Variants in THSD7B observed in about 807,000 individuals in gnomAD.
THSD7B encodes the protein thrombospondin type 1 domain containing 7B, also known as thrombospondin type-1 domain-containing protein 7B.
Under a neutral mutation model 213.6 loss-of-function variants are expected in THSD7B, and 138 were observed. That is an observed-to-expected ratio of 0.65 (90% CI 0.56 to 0.74). The LOEUF (loss-of-function observed/expected upper bound fraction) is 0.74, where lower values mean the gene tolerates loss of function less well. Among genes scored for constraint, THSD7B ranks in the 30% least tolerant of loss-of-function variants. THSD7B has a pLI of 0.00. For synonymous variants in THSD7B, 742 were observed against 687.0 expected, an observed-to-expected ratio of 1.08 and a Z score of -1.25; for missense variants, 1,931 against 1,991.5, an observed-to-expected ratio of 0.97 and a Z score of 0.58.
intron 10 of THSD7B, among the ~76,000 whole-genome samples, chr2:137,244,680 C>T (rs924486336): frequency 2.0e-5 from 3 of 152,022 alleles, no homozygotes; most frequent in African/African-American, 7.3e-5. Flanking sequence ...TCTTTGCCAC[C>T]AATTCTTCAA....
chr2:137,285,267 A>G (rs913361399), intron 12 of THSD7B, among the ~76,000 whole-genome samples: 4 of 151,956 alleles, frequency 2.6e-5, no homozygotes, highest in Non-Finnish European at 4.4e-5. Context: ...ATCTTCCTCC[A>G]TCCCTGTATT....
At chr2:137,153,540 A>T (rs923170931) in intron 5 of THSD7B, among the ~76,000 whole-genome samples, 8 of 152,174 alleles carry the variant, frequency 5.3e-5, no homozygotes, top group Middle Eastern at 3.2e-3. Context: ...TAATTCTTTA[A>T]GCTGCCTATA....
chr2:137,226,257 C>T (rs907196015), intron 7 of THSD7B, among the ~76,000 whole-genome samples: 6 of 151,814 alleles, frequency 4.0e-5, no homozygotes, highest in East Asian at 1.9e-4. Flanking sequence ...TATTTTTGGA[C>T]GAGTAAGGTA....
At chr2:137,348,562 C>A (rs745540413) in intron 12 of THSD7B, among the ~76,000 whole-genome samples, 2 of 151,584 alleles carry the variant, frequency 1.3e-5, no homozygotes, top group Non-Finnish European at 3.0e-5. Flanking sequence ...AGCTTTGTAG[C>A]GGGTTCGTGT....
chr2:136,939,731 G>A (rs1266914034), intron 2 of THSD7B, among the ~76,000 whole-genome samples: 6 of 152,064 alleles, frequency 3.9e-5, no homozygotes, highest in East Asian at 3.9e-4. Flanking sequence ...CTCTACACAC[G>A]TTGTTCCCTT....
chr2:137,433,348 A>T (rs1223573602), intron 14 of THSD7B, among the ~76,000 whole-genome samples: 1 of 151,498 alleles, frequency 6.6e-6, no homozygotes, highest in East Asian at 1.9e-4. Flanking sequence ...TATTTGCAAT[A>T]TTGTATTTTG....
intron 15 of THSD7B, among the ~76,000 whole-genome samples, chr2:137,521,451 T>G (rs1680182904): frequency 6.6e-6 from 1 of 152,048 alleles, no homozygotes; most frequent in South Asian, 2.1e-4. Context: ...CAGCACACCT[T>G]CATCTAAGGA....
intron 2 of THSD7B, chr2:136,906,421 C>G (rs1255872177): frequency 6.6e-6 from 1 of 152,098 alleles, no homozygotes; most frequent in Non-Finnish European, 1.5e-5. Flanking sequence ...CAGTGCACAG[C>G]TGAGTTTATT....
rs540812295 is a variant in THSD7B at position 137,005,681 on chromosome 2, T to C, written c.140-50739T>C. Among the ~76,000 whole-genome samples the C allele has an allele frequency of 9.8e-5, 15 of 152,362 alleles. No homozygotes were observed. The South Asian group carries it at 3.1e-3, about 32-fold the overall frequency. On this transcript the variant is annotated intron_variant, in intron 2 of 27. Transcript: ENST00000409968. Reference sequence around the variant, plus strand: ...GAGAAAAATCTAGGCTTTTCAATTATACAAAGAAAAGGAAGAAAAACTTAT... The same window carrying C: ...GAGAAAAATCTAGGCTTTTCAATTACACAAAGAAAAGGAAGAAAAACTTAT...
intron 2 of THSD7B, among the ~76,000 whole-genome samples, chr2:136,969,704 A>G (rs1285829812): frequency 1.3e-5 from 2 of 152,194 alleles, no homozygotes; most frequent in Admixed American, 1.3e-4. Flanking sequence ...GGCAGGAGAT[A>G]GAAGATTTTC....
chr2:137,549,308 CTCTTTTTT>C (rs1680798482), intron 15 of THSD7B, among the ~76,000 whole-genome samples: 2 of 100,176 alleles, frequency 2.0e-5, no homozygotes, highest in Admixed American at 1.1e-4. Context: ...TTTTCAGATG[CTCTTTTTT>C]TTTTTTTTTT....
chr2:137,201,684 A>G (rs1017471737), intron 7 of THSD7B, among the ~76,000 whole-genome samples: 11 of 152,158 alleles, frequency 7.2e-5, no homozygotes, highest in African/African-American at 2.7e-4. Context: ...CTTCCTAGTA[A>G]AAGCTGCCCC....
intron 10 of THSD7B, among the ~76,000 whole-genome samples, chr2:137,263,846 T>G (rs1682511836): frequency 6.6e-6 from 1 of 152,200 alleles, no homozygotes; most frequent in African/African-American, 2.4e-5. Context: ...ATAGTTCTAC[T>G]AGGGCATTGC....
intron 10 of THSD7B, among the ~76,000 whole-genome samples, chr2:137,243,644 T>C (rs906572461): frequency 5.3e-5 from 8 of 152,234 alleles, no homozygotes; most frequent in African/African-American, 1.9e-4. Flanking sequence ...CTCACATATC[T>C]ATAGCATCAC....
Position 137,213,514 on chromosome 2 carries a change from T to C in THSD7B, c.1724-17530T>C, listed in dbSNP as rs1038043101. Among the ~76,000 whole-genome samples the C allele has an allele frequency of 4.0e-5, 6 of 149,002 alleles. No homozygotes were observed. The East Asian group carries it at 1.2e-3, about 29-fold the overall frequency. On this transcript the variant is annotated intron_variant, in intron 7 of 27. Transcript: ENST00000409968. ...ATGTATTATAATATGCTATATATATTCTATATAATTTAATAGTATGATATG... is the reference window on the plus strand; with the variant it reads ...ATGTATTATAATATGCTATATATATCCTATATAATTTAATAGTATGATATG...
intron 15 of THSD7B, among the ~76,000 whole-genome samples, chr2:137,517,256 C>A (rs772402277): frequency 6.6e-6 from 1 of 152,242 alleles, no homozygotes; most frequent in Non-Finnish European, 1.5e-5. Flanking sequence ...AGACCTTGAT[C>A]ACTTTGTGCT....
At chr2:137,194,401 G>A (rs1031848413) in intron 7 of THSD7B, among the ~76,000 whole-genome samples, 7 of 152,196 alleles carry the variant, frequency 4.6e-5, no homozygotes, top group Non-Finnish European at 1.0e-4. Flanking sequence ...CCCCTCCTGG[G>A]AAGTGACTTA....
chr2:136,903,925 G>GT (rs1312480058), intron 2 of THSD7B, among the ~76,000 whole-genome samples: 13 of 108,722 alleles, frequency 1.2e-4, no homozygotes, highest in South Asian at 4.0e-4. Flanking sequence ...CTTCCTGTGA[G>GT]GTGTGTGTGT....
In THSD7B at chr2:137,450,929, C is replaced by A. The variant is rs752393279; in HGVS notation, c.3044C>A (p.Ser1015Tyr). The change falls in exon 15 of 28, where the codon TCT becomes TAT. Residue 1015 changes from serine to tyrosine, a missense_variant. Coordinates refer to ENST00000409968, the MANE Select transcript of THSD7B (RefSeq NM_001316349.2). ...DWSSWGSCSSSCGIGVRIRSK... is the reference protein window; with the variant it reads ...DWSSWGSCSSYCGIGVRIRSK... ...TCTAGTTGGGGGTCTTGCAGTTCATCTTGTGGAATTGGAGTGAGAATTCGA... is the reference window on the plus strand; with the variant it reads ...TCTAGTTGGGGGTCTTGCAGTTCATATTGTGGAATTGGAGTGAGAATTCGA... The A allele has an allele frequency of 6.8e-6, 11 of 1,613,634 alleles. No homozygotes were observed. Among genetic ancestry groups the A allele is most frequent in the Non-Finnish European group, 9.3e-6 (11 of 1,179,698 alleles).
Sources: gnomAD v4.1 joint callset for allele counts (sites outside exome capture counted in the v4.1 genomes callset) on GRCh38, gnomAD v4.1.1 for gene constraint, MANE v1.5 for transcripts, NCBI Gene and HGNC (gene_info 2026-07-23, HGNC 2026-07-21) for gene names.